PIP5K1A: variants seen among roughly 807,000 people sequenced by gnomAD.
PIP5K1A encodes phosphatidylinositol 4-phosphate 5-kinase type-1 alpha.
A neutral mutation model predicts 72.9 loss-of-function variants in PIP5K1A; 46 were observed. The observed-to-expected ratio is 0.63, with a 90% confidence interval of 0.50 to 0.81. PIP5K1A has a LOEUF of 0.81. Ranked by LOEUF, PIP5K1A falls within the 30% of genes least tolerant of loss-of-function variation. The pLI, the probability that PIP5K1A is intolerant of heterozygous loss-of-function variation, is 0.00. For missense variants in PIP5K1A, 458 were observed against 706.1 expected (o/e 0.65, Z 3.98); for synonymous variants, 228 against 255.1 (o/e 0.89, Z 1.01).
intron 9 of PIP5K1A, 91 bp from the exon 10 acceptor site, chr1:151,238,091 G>A (rs1691142344): frequency 1.3e-6 from 1 of 750,938 alleles, no homozygotes; most frequent in Middle Eastern, 2.5e-4. Context: ...TATGGAGGAT[G>A]AGGCAGTTAT....
In PIP5K1A at chr1:151,240,026, T is replaced by C. The variant is rs756056926; in HGVS notation, c.1350T>C (p.Phe450=). Residue 450 remains phenylalanine (F), a synonymous_variant, in exon 12 of 16, where the codon TTT becomes TTC. Transcript: ENST00000368888. ...RFQRFMCNTV[F]KKIPLKPSPS... ...AGCGCTTCATGTGCAACACAGTATT[T>C]AAGAAGATTCCCTGTAAGTGGTTTC... 13 of 1,611,772 alleles carry C rather than the reference T, an allele frequency of 8.1e-6. No homozygotes were observed. In the South Asian group the frequency reaches 1.4e-4, roughly 18 times the overall value.
At position 151,236,733 on chromosome 1, in the gene PIP5K1A, G is replaced by A. The variant is rs766905114; in HGVS notation, c.1115G>A (p.Arg372Gln). Residue 372 changes from arginine to glutamine, a missense_variant, in exon 9 of 16, where the codon CGA becomes CAA. Coordinates refer to ENST00000368888, the MANE Select transcript of PIP5K1A (RefSeq NM_001135638.2). ...ATGGAATCCATCCAGGGAGAGGCTC[G>A]ACGGGGTGGTACCATGGAGACTGAT... ...TAMESIQGEA[R>Q]RGGTMETDDH... 4 of 1,613,610 alleles carry A rather than the reference G, an allele frequency of 2.5e-6. No individual in the cohort carries two copies. The highest frequency in any genetic ancestry group is 3.3e-5 in the Admixed American group (2 of 59,936).
At chr1:151,221,140 A>G (rs952118188) in intron 1 of PIP5K1A, among the ~76,000 whole-genome samples, 2 of 152,108 alleles carry the variant, frequency 1.3e-5, no homozygotes, top group African/African-American at 4.8e-5. Flanking sequence ...ACCCTGTAGT[A>G]TTTTTTGAGG....
Position 151,234,354 on chromosome 1 carries a change from A to G in PIP5K1A, c.797A>G (p.Lys266Arg). The G allele has an allele frequency of 1.2e-6, 2 of 1,614,100 alleles. No individual in the cohort carries two copies. Among genetic ancestry groups the G allele is most frequent in the Non-Finnish European group, 1.7e-6 (2 of 1,179,968 alleles). ...TATGACCTCAAAGGCTCAACCTACAAACGGCGGGCTTCCCAGAAAGAGCGA... is the reference window on the plus strand; with the variant it reads ...TATGACCTCAAAGGCTCAACCTACAGACGGCGGGCTTCCCAGAAAGAGCGA... ...IKYDLKGSTY[K>R]RRASQKEREK... The change falls in exon 8 of 16, where the codon AAA (lysine) becomes AGA (arginine). Residue 266 changes from lysine to arginine, a missense_variant. Physicochemically the swap from Lys to Arg is conservative, Grantham distance 26. This residue lies in a region of PIP5K1A where 220 missense variants were observed against 442.6 expected (regional missense o/e 0.50). Coordinates refer to ENST00000368888, the MANE Select transcript of PIP5K1A (RefSeq NM_001135638.2).
At chr1:151,210,203 T>G (rs1686601726) in intron 1 of PIP5K1A, among the ~76,000 whole-genome samples, 1 of 151,398 alleles carries the variant, frequency 6.6e-6, no homozygotes, top group Admixed American at 6.6e-5. Context: ...CCCCCACTTT[T>G]TTTTTTCCTC....
At chr1:151,211,966 G>C (rs1686883259) in intron 1 of PIP5K1A, among the ~76,000 whole-genome samples, 1 of 151,998 alleles carries the variant, frequency 6.6e-6, no homozygotes, top group South Asian at 2.1e-4. Context: ...AAAAAAATTA[G>C]CTGGGTGTGG....
chr1:151,231,021 C>T (rs1483469976), intron 4 of PIP5K1A, among the ~76,000 whole-genome samples: 2 of 152,114 alleles, frequency 1.3e-5, no homozygotes, highest in Non-Finnish European at 2.9e-5. Flanking sequence ...GCCTGACCAA[C>T]ATAGTGAAAC....
At position 151,216,796 on chromosome 1, in the gene PIP5K1A, C is replaced by A. The variant is rs587748353; in HGVS notation, c.86-7449C>A. On this transcript the variant is annotated intron_variant, in intron 1 of 15. Coordinates refer to ENST00000368888, the MANE Select transcript of PIP5K1A (RefSeq NM_001135638.2). ...GTAACTTGTTGAATTCTCATAACAA[C>A]CTTAGGAAGTACATGTTGTTACTTC... Among the ~76,000 whole-genome samples the A allele has an allele frequency of 5.9e-5, 9 of 152,032 alleles. No homozygotes were observed. In the East Asian group the frequency reaches 1.7e-3, roughly 29 times the overall value.
At chr1:151,210,032 C>T (rs746461671) in intron 1 of PIP5K1A, among the ~76,000 whole-genome samples, 47 of 151,390 alleles carry the variant, frequency 3.1e-4, no homozygotes, top group Non-Finnish European at 3.8e-4. Context: ...TATAGGTGCC[C>T]GCCACCGTGT....
intron 4 of PIP5K1A, among the ~76,000 whole-genome samples, chr1:151,229,581 G>T: frequency 6.6e-6 from 1 of 151,126 alleles, no homozygotes; most frequent in South Asian, 2.1e-4. Flanking sequence ...GGCTGGTCTT[G>T]AACTCCTGAC....
chr1:151,233,979 T>C (rs587670957), intron 7 of PIP5K1A, among the ~76,000 whole-genome samples: 11 of 152,164 alleles, frequency 7.2e-5, no homozygotes, highest in African/African-American at 2.7e-4. Context: ...CTGGCTGATT[T>C]CTGTATTGGA....
At chr1:151,226,127 A>G (rs1451495720) in intron 3 of PIP5K1A, among the ~76,000 whole-genome samples, 15 of 129,662 alleles carry the variant, frequency 1.2e-4, no homozygotes, top group East Asian at 4.8e-4. Context: ...TTGCTCTGTC[A>G]CCCAGGCTGG....
chr1:151,221,069 A>G (rs1003402684), intron 1 of PIP5K1A, among the ~76,000 whole-genome samples: 3 of 152,188 alleles, frequency 2.0e-5, no homozygotes, highest in Admixed American at 1.3e-4. Flanking sequence ...ACACCCAAAC[A>G]GGTTTCACAT....
chr1:151,243,623 G>C (rs1000330919), intron 14 of PIP5K1A, among the ~76,000 whole-genome samples: 4 of 152,124 alleles, frequency 2.6e-5, no homozygotes, highest in African/African-American at 9.7e-5. Flanking sequence ...CTAGACTCTT[G>C]GTTTTGTCTT....
chr1:151,213,036 G>A (rs587637091), intron 1 of PIP5K1A, among the ~76,000 whole-genome samples: 4 of 151,788 alleles, frequency 2.6e-5, no homozygotes, highest in Non-Finnish European at 5.9e-5. Context: ...AACTACAGGC[G>A]CCCGCCACCA....
chr1:151,205,436 A>C lies in PIP5K1A; in HGVS notation c.85+6355A>C, dbSNP rs1056958839. Reference sequence around the variant, plus strand: ...AGCGATCCTCCTGCCTTGGCTTCCCAAAGTTCTGAGATTACAGGCGTGAGC... The same window carrying C: ...AGCGATCCTCCTGCCTTGGCTTCCCCAAGTTCTGAGATTACAGGCGTGAGC... On this transcript the variant is annotated intron_variant, in intron 1 of 15. Coordinates refer to ENST00000368888, the MANE Select transcript of PIP5K1A (RefSeq NM_001135638.2). Among the ~76,000 whole-genome samples, 74 of 151,272 alleles carry C rather than the reference A, an allele frequency of 4.9e-4. 1 individual carries two copies. Among genetic ancestry groups the C allele is most frequent in the Admixed American group, 4.6e-4 (7 of 15,176 alleles).
At chr1:151,211,568 G>A (rs1320677907) in intron 1 of PIP5K1A, among the ~76,000 whole-genome samples, 2 of 151,986 alleles carry the variant, frequency 1.3e-5, no homozygotes, top group Non-Finnish European at 2.9e-5. Flanking sequence ...AGGCTGAGGC[G>A]GGCAGATCAC....
chr1:151,227,463 AGT>A, intron 4 of PIP5K1A, 63 bp downstream of exon 4: 1 of 1,055,742 alleles, frequency 9.5e-7, no homozygotes, highest in East Asian at 2.4e-5. Context: ...CTGGGAACTC[AGT>A]CTCCTTGAAA....
At chr1:151,232,791 A>G in intron 7 of PIP5K1A, 88 bp downstream of exon 7, 1 of 1,180,390 alleles carries the variant, frequency 8.5e-7, no homozygotes. Context: ...AAACAGTGTC[A>G]GCACTTCTAT....
Sources: allele counts gnomAD v4.1 joint callset (sites outside exome capture counted in the v4.1 genomes callset), GRCh38; gene constraint gnomAD v4.1.1; regional missense constraint gnomAD v4.1.1; transcripts MANE v1.5; gene names NCBI Gene and HGNC (gene_info 2026-07-23, HGNC 2026-07-21).